FAM107B: variants seen among roughly 807,000 people sequenced by gnomAD.
FAM107B encodes the protein family with sequence similarity 107 member B.
In FAM107B, 21 loss-of-function variants were observed where a neutral mutation model predicts 31.5. The ratio of observed to expected loss-of-function variants is 0.67; its 90% CI spans 0.47 to 0.96. The LOEUF is 0.96. Ranked by LOEUF, FAM107B falls within the 40% of genes least tolerant of loss-of-function variation. The pLI, the probability that FAM107B is intolerant of heterozygous loss-of-function variation, is 0.00. For synonymous variants in FAM107B, 157 were observed against 141.5 expected, an observed-to-expected ratio of 1.11 and a Z score of -0.78; for missense variants, 452 against 377.1, an observed-to-expected ratio of 1.20 and a Z score of -1.64.
At chr10:14,652,301 C>T (rs554252891) in intron 2 of FAM107B, among the ~76,000 whole-genome samples, 1 of 152,208 alleles carries the variant, frequency 6.6e-6, no homozygotes, top group Admixed American at 6.5e-5. Flanking sequence ...CTAAAGAGCA[C>T]CAGATCCCAG....
chr10:14,541,658 T>C (rs1242635605), intron 2 of FAM107B, among the ~76,000 whole-genome samples: 1 of 152,342 alleles, frequency 6.6e-6, no homozygotes, highest in East Asian at 1.9e-4. Context: ...TGTGGGCTAA[T>C]TTCCCACGTT....
rs186543403 is a variant in FAM107B, at chr10:14,651,446, A to G, written c.469+16188T>C. The stretch of plus-strand genomic sequence containing the variant: ...CATGGAGAGACCCCGTCACTACTAA[A>G]AATACAAAATGAGCCAGGCGTGGTG... On this transcript the variant is annotated intron_variant, in intron 2 of 4. Transcript: ENST00000181796. Among the ~76,000 whole-genome samples the G allele has an allele frequency of 7.2e-4, 110 of 152,264 alleles. 2 individuals are homozygous for G. The East Asian group carries it at 0.02, about 28-fold the overall frequency.
rs1407253554 is a variant in FAM107B, at chr10:14,520,173, A to G, written c.*1017T>C. ...TTGGATTCTAATGATATGCATTATC[A>G]TTAGACATTCAAATGCTATACATCT... On this transcript the variant is annotated 3_prime_UTR_variant, in exon 5 of 5. Transcript: ENST00000181796. 2 of 152,494 alleles carry G rather than the reference A, an allele frequency of 1.3e-5. No individual in the cohort carries two copies. The highest frequency in any genetic ancestry group is 2.9e-5 in the Non-Finnish European group (2 of 68,044). The allele number at this position is 152,494 out of a possible 1,614,324, so 9.4% of individuals were successfully genotyped here. A position where few individuals can be genotyped will look rare whatever the true frequency, so the allele number is the denominator to read the frequency against.
At chr10:14,644,460 T>A (rs769396538) in intron 2 of FAM107B, among the ~76,000 whole-genome samples, 1 of 152,210 alleles carries the variant, frequency 6.6e-6, no homozygotes, top group African/African-American at 2.4e-5. Context: ...CTGCCTGCCC[T>A]GCTAAGTAAG....
intron 1 of FAM107B, among the ~76,000 whole-genome samples, chr10:14,772,415 C>A (rs551650533): frequency 1.5e-4 from 22 of 151,722 alleles, no homozygotes; most frequent in Middle Eastern, 3.4e-3. Context: ...CTGAGATACT[C>A]TGTGTAAAGC....
chr10:14,594,501 CAAAAAAAAAA>C (rs371126997), intron 2 of FAM107B, among the ~76,000 whole-genome samples: 1 of 80,162 alleles, frequency 1.2e-5, no homozygotes, highest in East Asian at 3.3e-4. Flanking sequence ...AAGACCCTGC[CAAAAAAAAAA>C]AAAAAACAAA....
chr10:14,572,093 A>C (rs1851274072), intron 2 of FAM107B: 3 of 985,362 alleles, frequency 3.0e-6, no homozygotes, highest in Non-Finnish European at 3.6e-6. Flanking sequence ...AAAGAGCCAC[A>C]GTTCAAGTTC....
rs535133119 is a variant in FAM107B at position 14,546,058 on chromosome 10, C to T, written c.470-15543G>A. Among the ~76,000 whole-genome samples, 3 of 152,370 alleles carry T rather than the reference C, an allele frequency of 2.0e-5. 1 individual carries two copies. The South Asian group carries it at 6.2e-4, about 32-fold the overall frequency. On this transcript the variant is annotated intron_variant, in intron 2 of 4. Transcript: ENST00000181796. ...CCGTAATATTTATGACCTGGCCCAA[C>T]TGGCCAAACAAACTAATACTTTCAA...
chr10:14,688,958 T>C (rs1216294502), intron 1 of FAM107B, among the ~76,000 whole-genome samples: 1 of 152,182 alleles, frequency 6.6e-6, no homozygotes, highest in Non-Finnish European at 1.5e-5. Flanking sequence ...AAGGAGGACT[T>C]TATTGTAATC....
chr10:14,594,485 CAG>C (rs1181387024), intron 2 of FAM107B, among the ~76,000 whole-genome samples: 14 of 126,734 alleles, frequency 1.1e-4, no homozygotes, highest in Non-Finnish European at 2.2e-4. Flanking sequence ...GCCTCCATGA[CAG>C]AGCAAGACCC....
At chr10:14,542,638 G>C (rs7920598) in intron 2 of FAM107B, 1 of 152,164 alleles carries the variant, frequency 6.6e-6, no homozygotes, top group Admixed American at 6.5e-5. Context: ...GAGTAGGGGA[G>C]GTCAACCCAC....
intron 1 of FAM107B, among the ~76,000 whole-genome samples, chr10:14,760,229 G>A (rs187683243): frequency 1.3e-5 from 2 of 152,258 alleles, no homozygotes; most frequent in East Asian, 3.9e-4. Flanking sequence ...TAGAGGGAAT[G>A]GTTTCCTTTT....
chr10:14,648,807 C>A (rs1432238024), intron 2 of FAM107B, among the ~76,000 whole-genome samples: 1 of 152,164 alleles, frequency 6.6e-6, no homozygotes, highest in African/African-American at 2.4e-5. Flanking sequence ...TGGTTTAATT[C>A]AAGTTCTTCA....
At chr10:14,684,083 C>T (rs1469377377) in intron 1 of FAM107B, among the ~76,000 whole-genome samples, 2 of 152,208 alleles carry the variant, frequency 1.3e-5, no homozygotes, top group Non-Finnish European at 2.9e-5. Flanking sequence ...TGAGGGCACA[C>T]TTCCTTGTTC....
chr10:14,615,992 T>C (rs1852839637), intron 2 of FAM107B, among the ~76,000 whole-genome samples: 1 of 152,190 alleles, frequency 6.6e-6, no homozygotes, highest in Non-Finnish European at 1.5e-5. Flanking sequence ...TTCCCAATTG[T>C]ATAAAAGAAT....
chr10:14,682,937 A>G (rs1353466330), intron 1 of FAM107B, among the ~76,000 whole-genome samples: 1 of 152,168 alleles, frequency 6.6e-6, no homozygotes, highest in Non-Finnish European at 1.5e-5. Flanking sequence ...AAATAATGTC[A>G]AGGAAGCTCG....
intron 2 of FAM107B, among the ~76,000 whole-genome samples, chr10:14,587,583 AAGAC>A (rs1851886233): frequency 6.6e-6 from 1 of 152,228 alleles, no homozygotes; most frequent in African/African-American, 2.4e-5. Context: ...CATCCAAAAA[AAGAC>A]AGTTTCTTTA....
chr10:14,608,450 C>T (rs1247712281), intron 2 of FAM107B, among the ~76,000 whole-genome samples: 1 of 152,188 alleles, frequency 6.6e-6, no homozygotes, highest in African/African-American at 2.4e-5. Flanking sequence ...GGCTCAGCTG[C>T]GATATCTTAT....
At chr10:14,528,198 T>TTTA (rs1846535409) in intron 3 of FAM107B, among the ~76,000 whole-genome samples, 1 of 105,472 alleles carries the variant, frequency 9.5e-6, no homozygotes, top group South Asian at 3.1e-4. Context: ...TTTTTTTTTT[T>TTTA]AGAGACAGAG....
Sources: allele counts gnomAD v4.1 joint callset (sites outside exome capture counted in the v4.1 genomes callset), GRCh38; gene constraint gnomAD v4.1.1; transcripts MANE v1.5; gene names NCBI Gene and HGNC (gene_info 2026-07-23, HGNC 2026-07-21).